TENT2: variants seen among roughly 807,000 people sequenced by gnomAD.
TENT2 encodes the protein terminal nucleotidyltransferase 2.
In TENT2, 44 loss-of-function variants were observed where a neutral mutation model predicts 72.2. The observed-to-expected ratio is 0.61, with a 90% CI of 0.48 to 0.78. The LOEUF is 0.78. Ranked by LOEUF, TENT2 falls within the 30% of genes least tolerant of loss-of-function variation. TENT2 has a pLI of 0.00. For missense variants in TENT2, 541 were observed against 569.6 expected (o/e 0.95, Z 0.51); for synonymous variants, 212 against 192.5 (o/e 1.10, Z -0.84).
intron 8 of TENT2, among the ~76,000 whole-genome samples, chr5:79,646,554 T>G (rs1051992661): frequency 6.6e-6 from 1 of 152,176 alleles, no homozygotes; most frequent in East Asian, 1.9e-4. Context: ...TATCTAAACA[T>G]CAATCAGATC....
Position 79,682,001 on chromosome 5 carries a change from T to TA in TENT2, c.1321dup (p.Thr441AsnfsTer12), listed in dbSNP as rs1561601783. The TA allele has an allele frequency of 6.2e-7, 1 of 1,613,152 alleles. No homozygotes were observed. The highest frequency in any genetic ancestry group is 1.7e-5 in the Admixed American group (1 of 59,880). ...TTGCAGAACCTTTTGATGGAACAAA[T>TA]ACAGCCAGAGCAGTGCACGAAAAGC... On this transcript the variant is annotated frameshift_variant, in exon 14 of 15. Transcript: ENST00000453514. LOFTEE classifies it high-confidence loss of function.
At chr5:79,623,661 C>A (rs1561462064) in intron 4 of TENT2, 172 bp downstream of exon 4, 2 of 427,798 alleles carry the variant, frequency 4.7e-6, no homozygotes, top group Non-Finnish European at 8.1e-6. Context: ...TTTTTGTTAG[C>A]TATTCTTTTA....
intron 14 of TENT2, among the ~76,000 whole-genome samples, chr5:79,683,208 C>T (rs1823405628): frequency 6.6e-6 from 1 of 151,988 alleles, no homozygotes; most frequent in African/African-American, 2.4e-5. Flanking sequence ...AATCCAAACA[C>T]TTTGTGAGGC....
intron 3 of TENT2, 126 bp from the exon 4 acceptor site, chr5:79,623,126 A>G: frequency 1.5e-6 from 1 of 656,466 alleles, no homozygotes; most frequent in Non-Finnish European, 2.5e-6. Flanking sequence ...TAAAGCTAAT[A>G]AAGTGACCTT....
chr5:79,640,326 G>A (rs1380608219), intron 4 of TENT2, among the ~76,000 whole-genome samples: 1 of 151,990 alleles, frequency 6.6e-6, no homozygotes, highest in Admixed American at 6.6e-5. Flanking sequence ...TTAGAAGAAT[G>A]GGATGGAGGG....
chr5:79,672,784 T>C (rs72768835), intron 12 of TENT2, among the ~76,000 whole-genome samples: 9,854 of 152,292 alleles, frequency 0.065, 425 homozygotes, highest in South Asian at 0.12. Context: ...TGCAGATATG[T>C]CTTCAGTATC....
chr5:79,621,780 A>C (rs201660893), intron 3 of TENT2, among the ~76,000 whole-genome samples: 30,015 of 150,794 alleles, frequency 0.2, 4,315 homozygotes, highest in African/African-American at 0.41. Context: ...AAACAAAAAA[A>C]ACAAAACTCC....
At chr5:79,634,149 C>T (rs1337406566) in intron 4 of TENT2, among the ~76,000 whole-genome samples, 5 of 141,172 alleles carry the variant, frequency 3.5e-5, no homozygotes, top group African/African-American at 5.2e-5. Flanking sequence ...AGTGAGACTC[C>T]GTCTCAAAAA....
chr5:79,619,803 T>G lies in TENT2; in HGVS notation c.137+18T>G. ...AATGCAGAGTGAGTATGGTGATATTTTGGCCCATGTTGTTGGTAAATTTCA... is the reference window on the plus strand; with the variant it reads ...AATGCAGAGTGAGTATGGTGATATTGTGGCCCATGTTGTTGGTAAATTTCA... On this transcript the variant is annotated intron_variant, in intron 2 of 14. Transcript: ENST00000453514. 6.3e-7 allele frequency: 1 copy of G among 1,596,690 alleles called. No individual in the cohort carries two copies. The highest frequency in any genetic ancestry group is 8.5e-7 in the Non-Finnish European group (1 of 1,171,458).
chr5:79,681,878 T>C, intron 13 of TENT2, 104 bp from the exon 14 acceptor site: 2 of 906,474 alleles, frequency 2.2e-6, no homozygotes, highest in East Asian at 2.7e-5. Context: ...TTGCAATTTT[T>C]GTAGGTTAAA....
chr5:79,650,558 G>A (rs1469657127), intron 10 of TENT2, among the ~76,000 whole-genome samples: 1 of 151,968 alleles, frequency 6.6e-6, no homozygotes, highest in African/African-American at 2.4e-5. Flanking sequence ...GGTGCTCCTT[G>A]TATTTAGATT....
chr5:79,659,464 G>A (rs1468446492), intron 11 of TENT2, among the ~76,000 whole-genome samples: 26 of 144,590 alleles, frequency 1.8e-4, no homozygotes, highest in African/African-American at 6.4e-4. Context: ...CCTGGGAGGC[G>A]GAGGTTGCAG....
At chr5:79,626,602 C>A (rs554579696) in intron 4 of TENT2, among the ~76,000 whole-genome samples, 1 of 150,442 alleles carries the variant, frequency 6.6e-6, no homozygotes, top group African/African-American at 2.5e-5. Context: ...CCCCCGCACC[C>A]GGCCACCTGG....
At chr5:79,665,203 T>C (rs950663896) in intron 11 of TENT2, among the ~76,000 whole-genome samples, 2 of 152,228 alleles carry the variant, frequency 1.3e-5, no homozygotes, top group Admixed American at 1.3e-4. Context: ...TAACCTTCTT[T>C]AACATACATT....
intron 3 of TENT2, chr5:79,620,501 TCTGGAGG>T: frequency 6.5e-6 from 1 of 153,798 alleles, no homozygotes; most frequent in East Asian, 1.9e-4. Flanking sequence ...TTCTTACAAT[TCTGGAGG>T]CTAGATCAAG....
At position 79,668,989 on chromosome 5, in the gene TENT2, T is replaced by TGTA; in HGVS notation, c.1169_1170insGTA (p.Leu390_Leu391insTyr). ...AAGAATGAATCAAACCTTGGGGACC[T>TGTA]CTTACTGGGCTTTCTTAAATATTAT... is the stretch of plus-strand genomic sequence containing the variant. On this transcript the variant is annotated inframe_insertion, in exon 12 of 15. Transcript: ENST00000453514. 1 of 1,613,882 alleles carries TGTA rather than the reference T, an allele frequency of 6.2e-7. No individual in the cohort carries two copies.
intron 14 of TENT2, among the ~76,000 whole-genome samples, chr5:79,682,342 C>G (rs893291496): frequency 1.3e-5 from 2 of 152,048 alleles, no homozygotes; most frequent in African/African-American, 4.8e-5. Context: ...TGTAGTGGCA[C>G]AGTCTCAGCT....
In TENT2 at chr5:79,670,569, C is replaced by T. The variant is rs182465936; in HGVS notation, c.1208+1541C>T. On this transcript the variant is annotated intron_variant, in intron 12 of 14. Transcript: ENST00000453514. Reference sequence around the variant, plus strand: ...CAAACTCTTGACCTAGTGATCTGCCCGCCTCAGCCTCCCAAAGTGCTGGGA... The same window carrying T: ...CAAACTCTTGACCTAGTGATCTGCCTGCCTCAGCCTCCCAAAGTGCTGGGA... Among the ~76,000 whole-genome samples the T allele has an allele frequency of 9.9e-4, 151 of 151,798 alleles. 1 individual carries two copies. Among genetic ancestry groups the T allele is most frequent in the African/African-American group, 3.4e-3 (140 of 41,394 alleles).
chr5:79,639,578 A>G (rs933473529), intron 4 of TENT2, among the ~76,000 whole-genome samples: 6 of 151,984 alleles, frequency 3.9e-5, no homozygotes, highest in African/African-American at 4.8e-5. Context: ...AGAGTGGTTC[A>G]AGGGATGCAC....
Sources: allele counts gnomAD v4.1 joint callset (sites outside exome capture counted in the v4.1 genomes callset), GRCh38; gene constraint gnomAD v4.1.1; transcripts MANE v1.5; gene names NCBI Gene and HGNC (gene_info 2026-07-23, HGNC 2026-07-21).